The following PSG1 variants were observed in gnomAD, a reference collection of about 807,000 sequenced individuals.
The protein encoded by PSG1 is pregnancy-specific beta-1-glycoprotein 1.
A neutral mutation model predicts 41.4 loss-of-function variants in PSG1; 60 were observed. The observed-to-expected ratio is 1.45, with a 90% CI of 1.18 to 1.80. PSG1 has a LOEUF of 1.80. Ranked by LOEUF, PSG1 falls within the 40% of genes most tolerant of loss-of-function variation. The pLI is 0.00. For missense variants in PSG1, 806 were observed against 516.9 expected, an observed-to-expected ratio of 1.56 and a Z score of -5.42; for synonymous variants, 256 against 192.9, an observed-to-expected ratio of 1.33 and a Z score of -2.71.
At chr19:42,877,486 C>A (rs984114547) in intron 2 of PSG1, among the ~76,000 whole-genome samples, 1 of 151,706 alleles carries the variant, frequency 6.6e-6, no homozygotes, top group African/African-American at 2.4e-5. Flanking sequence ...GGCTCCTCAG[C>A]TTTATCTGGA....
At chr19:42,878,891 C>A (rs932279162) in intron 1 of PSG1, among the ~76,000 whole-genome samples, 1 of 151,522 alleles carries the variant, frequency 6.6e-6, no homozygotes, top group Non-Finnish European at 1.5e-5. Context: ...TTTTTTTCCC[C>A]CAATTGTTGA....
intron 5 of PSG1, 52 bp downstream of exon 5, chr19:42,868,049 C>T (rs1264985353): frequency 1.9e-6 from 3 of 1,611,970 alleles, no homozygotes; most frequent in South Asian, 2.2e-5. Flanking sequence ...CTCTGAATGC[C>T]AGATAGACTC....
At chr19:42,867,192 T>G (rs1209928138) in intron 5 of PSG1, 42 bp from the exon 6 acceptor site, 1 of 765,238 alleles carries the variant, frequency 1.3e-6, no homozygotes, top group Non-Finnish European at 2.4e-6. Context: ...TGAACAGAGC[T>G]GCAGTCTCAT....
chr19:42,873,632 A>G (rs1479447625), intron 2 of PSG1, among the ~76,000 whole-genome samples: 1 of 151,730 alleles, frequency 6.6e-6, no homozygotes, highest in African/African-American at 2.4e-5. Flanking sequence ...TTCCAGCAGG[A>G]TCACGTTATG....
At chr19:42,869,238 A>G in intron 3 of PSG1, 2 of 1,194,202 alleles carry the variant, frequency 1.7e-6, no homozygotes, top group South Asian at 3.3e-5. Context: ...TTAGGGAAGC[A>G]CAGACTTTCT....
chr19:42,877,080 A>G (rs986274256), intron 2 of PSG1, among the ~76,000 whole-genome samples: 9 of 151,766 alleles, frequency 5.9e-5, no homozygotes, highest in Middle Eastern at 3.2e-3. Flanking sequence ...AATTATTCAC[A>G]GTCACCTGAC....
chr19:42,879,431 T>C (rs1434856496), intron 1 of PSG1, 87 bp downstream of exon 1: 1 of 1,565,466 alleles, frequency 6.4e-7, no homozygotes, highest in Non-Finnish European at 8.7e-7. Context: ...GCTTCTTTCA[T>C]TTTTTAGAAC....
At chr19:42,872,094 C>T (rs779106431) in intron 2 of PSG1, 49 bp from the exon 3 acceptor site, 2 of 1,573,666 alleles carry the variant, frequency 1.3e-6, no homozygotes, top group Non-Finnish European at 1.7e-6. Context: ...CCTTTGATTC[C>T]TCCAAAGGCA....
chr19:42,874,955 C>T (rs934478349), intron 2 of PSG1, among the ~76,000 whole-genome samples: 3 of 151,692 alleles, frequency 2.0e-5, no homozygotes, highest in Admixed American at 2.0e-4. Context: ...TTGTTATATG[C>T]CTGACAGGAA....
At chr19:42,867,777 C>A (rs183095151) in intron 5 of PSG1, 31 of 1,021,306 alleles carry the variant, frequency 3.0e-5, no homozygotes, top group Middle Eastern at 3.1e-4. Flanking sequence ...AAAATTCCAT[C>A]AATGTAGAAA....
rs1971405659 is a variant in PSG1 at position 42,871,913 on chromosome 19, G to C, written c.563C>G (p.Pro188Arg). 3.1e-6 allele frequency: 5 copies of C among 1,612,344 alleles called. No individual in the cohort carries two copies. Among genetic ancestry groups the C allele is most frequent in the Non-Finnish European group, 4.2e-6 (5 of 1,179,218 alleles). The change falls in exon 3 of 6, where the codon CCT (proline) becomes CGT (arginine). Residue 188 changes from proline to arginine, a missense_variant. By Grantham distance (103) the Pro-to-Arg change is moderately radical (BLOSUM62 -2). Transcript: ENST00000436291. ...GGACAGCTTCAAGCTGTGAGTCATA[G>C]GGAGGCTCTGACCATTCATCCACCA... The part of the protein sequence containing the change: ...YLWWMNGQSL[P>R]MTHSLKLSET...
chr19:42,868,778 G>C lies in PSG1; in HGVS notation c.966C>G (p.Asp322Glu). Reference sequence around the variant, plus strand: ...CACAGAGGACATTCAGGGTGACTGGGTCACTGCGGATGCCACCATATCGGT... The same window carrying C: ...CACAGAGGACATTCAGGGTGACTGGCTCACTGCGGATGCCACCATATCGGT... ...IRDRYGGIRSDPVTLNVLYGP... is the reference protein window; with the variant it reads ...IRDRYGGIRSEPVTLNVLYGP... Residue 322 changes from aspartate to glutamate, a missense_variant, in exon 4 of 6, where the codon GAC (aspartate) becomes GAG (glutamate). Physicochemically the swap from Asp to Glu is conservative, Grantham distance 45 (BLOSUM62 2). Coordinates refer to ENST00000436291, the MANE Select transcript of PSG1 (RefSeq NM_001184825.2). 6.2e-7 allele frequency: 1 copy of C among 1,612,084 alleles called. No individual in the cohort carries two copies. The highest frequency in any genetic ancestry group is 1.1e-5 in the South Asian group (1 of 90,780).
intron 2 of PSG1, among the ~76,000 whole-genome samples, chr19:42,873,221 T>A (rs1278942149): frequency 1.3e-5 from 2 of 151,716 alleles, no homozygotes; most frequent in South Asian, 2.1e-4. Context: ...AGCTTGAAAC[T>A]AAGTGTTTTG....
rs538096264 is a variant in PSG1, at chr19:42,868,862, G to T, written c.882C>A (p.Ile294=). 62 of 1,610,808 alleles carry T rather than the reference G, an allele frequency of 3.8e-5. 2 individuals carry two copies. Among genetic ancestry groups the T allele is most frequent in the South Asian group, 1.2e-4 (11 of 90,728 alleles). ...PRVKRPIENR[I]LILPSVTRNE... ...TTCTCGTGACACTGGGTAGAATGAGGATCCTGTTTTCAATGGGTCGCTTTA... is the reference window on the plus strand; with the variant it reads ...TTCTCGTGACACTGGGTAGAATGAGTATCCTGTTTTCAATGGGTCGCTTTA... The change falls in exon 4 of 6, where the codon ATC becomes ATA. Residue 294 remains isoleucine, a synonymous_variant. Coordinates refer to ENST00000436291, the MANE Select transcript of PSG1 (RefSeq NM_001184825.2).
Position 42,874,595 on chromosome 19 carries a change from C to T in PSG1, c.431-2550G>A, listed in dbSNP as rs1444300837. On this transcript the variant is annotated intron_variant, in intron 2 of 5. Transcript: ENST00000436291. Reference sequence around the variant, plus strand: ...TCTCTTGACCTTGTGCCCGCCTCGGCCTCCCAAAGTGCTGGGATTATAGGC... The same window carrying T: ...TCTCTTGACCTTGTGCCCGCCTCGGTCTCCCAAAGTGCTGGGATTATAGGC... 1.3e-5 allele frequency among the ~76,000 whole-genome samples: 2 copies of T among 151,802 alleles called. 1 individual carries two copies. Among genetic ancestry groups the T allele is most frequent in the African/African-American group, 4.8e-5 (2 of 41,320 alleles).
chr19:42,875,533 C>A (rs191003217), intron 2 of PSG1, among the ~76,000 whole-genome samples: 1 of 151,706 alleles, frequency 6.6e-6, no homozygotes, highest in South Asian at 2.1e-4. Context: ...TCATCCATAC[C>A]TATGACTAAT....
chr19:42,876,116 T>A (rs1252606193), intron 2 of PSG1, among the ~76,000 whole-genome samples: 2 of 148,350 alleles, frequency 1.3e-5, no homozygotes, highest in Non-Finnish European at 3.0e-5. Flanking sequence ...ACAGCCAGAG[T>A]GGTTAGAGGG....
chr19:42,877,820 A>T, intron 2 of PSG1, 93 bp downstream of exon 2: 1 of 1,602,936 alleles, frequency 6.2e-7, no homozygotes, highest in South Asian at 1.1e-5. Context: ...GCAGTGAGTG[A>T]CACAGGCAGA....
intron 4 of PSG1, 142 bp downstream of exon 4, chr19:42,868,614 C>T (rs1971240917): frequency 1.3e-6 from 2 of 1,514,566 alleles, no homozygotes; most frequent in African/African-American, 2.8e-5. Context: ...CAGGATTTCC[C>T]AGGGCAGGGA....
Sources: gnomAD v4.1 joint callset for allele counts (sites outside exome capture counted in the v4.1 genomes callset) on GRCh38, gnomAD v4.1.1 for gene constraint, MANE v1.5 for transcripts, NCBI Gene and HGNC (gene_info 2026-07-23, HGNC 2026-07-21) for gene names.